The following MET variants were observed in gnomAD, a reference collection of about 807,000 sequenced individuals.
MET encodes MET proto-oncogene, receptor tyrosine kinase.
MET carries 48 observed loss-of-function variants against 133.1 expected under a neutral mutation model. The observed-to-expected ratio is 0.36, with a 90% CI of 0.29 to 0.46. The LOEUF (loss-of-function observed/expected upper bound fraction) is 0.46, where lower values mean the gene tolerates loss of function less well. Among genes scored for constraint, MET ranks in the 20% least tolerant of loss-of-function variants. The pLI is 1.00. For missense variants in MET, 1,442 were observed against 1,695.9 expected (o/e 0.85, Z 2.63); for synonymous variants, 628 against 616.5 (o/e 1.02, Z -0.28).
chr7:116,787,730 C>T (rs1051545066), intron 19 of MET, among the ~76,000 whole-genome samples: 3 of 152,200 alleles, frequency 2.0e-5, no homozygotes, highest in Non-Finnish European at 4.4e-5. Flanking sequence ...TTGGGGGACA[C>T]ATTCAAACCA....
At chr7:116,768,152 CT>C (rs1311836650) in intron 11 of MET, among the ~76,000 whole-genome samples, 1 of 151,894 alleles carries the variant, frequency 6.6e-6, no homozygotes, top group East Asian at 1.9e-4. Flanking sequence ...TTAGAGAAGC[CT>C]TTATGCAACA....
At position 116,679,175 on chromosome 7, in the gene MET, C is replaced by T. The variant is rs117930107; in HGVS notation, c.-15+6598C>T. Reference sequence around the variant, plus strand: ...AAATATTCATCATTTTATTCTGGCACATAGTAGGTACTCAGTAAGTATTTT... The same window carrying T: ...AAATATTCATCATTTTATTCTGGCATATAGTAGGTACTCAGTAAGTATTTT... On this transcript the variant is annotated intron_variant, in intron 1 of 20. Transcript: ENST00000397752. 7.5e-3 allele frequency among the ~76,000 whole-genome samples: 1,145 copies of T among 152,254 alleles called. 8 individuals carry two copies. The highest frequency in any genetic ancestry group is 0.044 in the Middle Eastern group (13 of 294).
intron 5 of MET, 102 bp downstream of exon 5, chr7:116,741,127 A>T (rs2116840143): frequency 3.8e-6 from 5 of 1,310,042 alleles, no homozygotes; most frequent in Middle Eastern, 2.0e-4. Flanking sequence ...TACAAATCCC[A>T]CTAATGAAAA....
intron 15 of MET, among the ~76,000 whole-genome samples, chr7:116,776,291 CCTT>C (rs1458759372): frequency 6.6e-6 from 1 of 152,162 alleles, no homozygotes; most frequent in Non-Finnish European, 1.5e-5. Context: ...TTTGTGTGCT[CCTT>C]CTTCCCCAAG....
At chr7:116,761,781 ATAT>A (rs1794404656) in intron 10 of MET, among the ~76,000 whole-genome samples, 1 of 152,112 alleles carries the variant, frequency 6.6e-6, no homozygotes, top group African/African-American at 2.4e-5. Flanking sequence ...AATTTTATCC[ATAT>A]TATATCTCTA....
intron 1 of MET, among the ~76,000 whole-genome samples, chr7:116,685,279 A>T (rs539854084): frequency 6.6e-6 from 1 of 152,262 alleles, no homozygotes; most frequent in South Asian, 2.1e-4. Flanking sequence ...TGATGTCTAC[A>T]TGCTGACAAC....
At chr7:116,781,871 A>T in intron 17 of MET, 117 bp from the exon 18 acceptor site, 2 of 762,740 alleles carry the variant, frequency 2.6e-6, no homozygotes, top group Non-Finnish European at 4.5e-6. Flanking sequence ...AGCCATTAAG[A>T]CCAAACTAAT....
At chr7:116,690,917 A>T (rs1407617054) in intron 1 of MET, among the ~76,000 whole-genome samples, 1 of 152,234 alleles carries the variant, frequency 6.6e-6, no homozygotes, top group Non-Finnish European at 1.5e-5. Flanking sequence ...TTATAAATAC[A>T]GTATTTTAAA....
Position 116,704,893 on chromosome 7 carries a change from T to C in MET, c.1200+4609T>C, listed in dbSNP as rs117610086. ...AAGTCAACCTCATAGGTTGTTTGTA[T>C]TGGGCTTCCTTGTTTTTAAATATCA... On this transcript the variant is annotated intron_variant, in intron 2 of 20. Transcript: ENST00000397752. Among the ~76,000 whole-genome samples the C allele has an allele frequency of 4.0e-3, 607 of 152,230 alleles. 4 individuals are homozygous for C. The highest frequency in any genetic ancestry group is 3.7e-3 in the Non-Finnish European group (253 of 67,978).
intron 8 of MET, 134 bp from the exon 9 acceptor site, chr7:116,758,325 A>G (rs1479053902): frequency 1.2e-6 from 1 of 851,750 alleles, no homozygotes. Context: ...AACAGCCTAC[A>G]CTAGAAAAGG....
intron 18 of MET, among the ~76,000 whole-genome samples, chr7:116,782,577 T>C (rs756158949): frequency 2.6e-5 from 4 of 152,246 alleles, no homozygotes; most frequent in South Asian, 2.1e-4. Flanking sequence ...TGCCTGGCTA[T>C]GTAATACAAC....
chr7:116,710,875 A>G (rs1294067298), intron 2 of MET, among the ~76,000 whole-genome samples: 3 of 152,348 alleles, frequency 2.0e-5, no homozygotes, highest in African/African-American at 4.8e-5. Context: ...CTAAATTTTC[A>G]TAAGTAAATA....
chr7:116,696,648 C>G (rs148215519), intron 1 of MET, among the ~76,000 whole-genome samples: 43 of 152,318 alleles, frequency 2.8e-4, no homozygotes, highest in African/African-American at 9.9e-4. Flanking sequence ...TGGGTATCCC[C>G]TAAGATTTAG....
intron 2 of MET, among the ~76,000 whole-genome samples, chr7:116,705,885 T>C (rs1360378472): frequency 1.3e-5 from 2 of 152,148 alleles, no homozygotes; most frequent in Non-Finnish European, 2.9e-5. Flanking sequence ...AAAATTAGTT[T>C]CTTTCCAGAA....
At chr7:116,677,209 G>T (rs923409372) in intron 1 of MET, among the ~76,000 whole-genome samples, 1 of 152,020 alleles carries the variant, frequency 6.6e-6, no homozygotes, top group African/African-American at 2.4e-5. Context: ...ACAGCAAGAG[G>T]CAGTTGCTGA....
chr7:116,764,432 A>G (rs549491658), intron 11 of MET, among the ~76,000 whole-genome samples: 3 of 152,164 alleles, frequency 2.0e-5, no homozygotes, highest in East Asian at 3.9e-4. Flanking sequence ...TTTGCTTTCA[A>G]CAATTACTGT....
At chr7:116,702,129 A>G (rs1341770513) in intron 2 of MET, among the ~76,000 whole-genome samples, 4 of 152,138 alleles carry the variant, frequency 2.6e-5, no homozygotes, top group Admixed American at 1.3e-4. Context: ...GGATTAGCCA[A>G]TGAAATTCAG....
At chr7:116,780,116 A>G (rs1325429382) in intron 17 of MET, among the ~76,000 whole-genome samples, 1 of 152,196 alleles carries the variant, frequency 6.6e-6, no homozygotes, top group East Asian at 1.9e-4. Flanking sequence ...TGAATCAGCT[A>G]AGGGTTACAA....
At chr7:116,788,179 G>A (rs1795375875) in intron 19 of MET, among the ~76,000 whole-genome samples, 1 of 151,982 alleles carries the variant, frequency 6.6e-6, no homozygotes, top group Non-Finnish European at 1.5e-5. Context: ...AAGAGAAGGA[G>A]TGAAGATAAA....
Sources: gnomAD v4.1 joint callset for allele counts (sites outside exome capture counted in the v4.1 genomes callset) on GRCh38, gnomAD v4.1.1 for gene constraint, MANE v1.5 for transcripts, NCBI Gene and HGNC (gene_info 2026-07-23, HGNC 2026-07-21) for gene names.